Variants in BTNL8 observed in about 807,000 individuals in gnomAD.
The protein encoded by BTNL8 is butyrophilin-like protein 8.
In BTNL8, 22 loss-of-function variants were observed where a neutral mutation model predicts 36.1. The observed-to-expected ratio is 0.61, with a 90% CI of 0.44 to 0.87. The LOEUF (loss-of-function observed/expected upper bound fraction) is 0.87. BTNL8 is among the 40% of genes least tolerant of loss of function. The pLI is 0.00. For synonymous variants in BTNL8, 203 were observed against 235.6 expected, an observed-to-expected ratio of 0.86 and a Z score of 1.27; for missense variants, 526 against 616.9, an observed-to-expected ratio of 0.85 and a Z score of 1.56.
At chr5:180,934,669 T>G (rs1164460992) in intron 3 of BTNL8, among the ~76,000 whole-genome samples, 1 of 152,184 alleles carries the variant, frequency 6.6e-6, no homozygotes, top group East Asian at 1.9e-4. Context: ...TAGGCACCTG[T>G]GTCTGGACGA....
At chr5:180,947,685 T>G in intron 4 of BTNL8, 60 bp downstream of exon 4, 1 of 1,614,134 alleles carries the variant, frequency 6.2e-7, no homozygotes, top group South Asian at 1.1e-5. Context: ...AGGGACAGGA[T>G]CAGAGATGCT....
chr5:180,949,834 C>T lies in BTNL8; in HGVS notation c.863-70C>T, dbSNP rs1382486290. ...CAGAGCCAGTCTGCAGTGGGAGGGTCGACCTCTTGCTCCAGCCCAGATTTC... is the reference window on the plus strand; with the variant it reads ...CAGAGCCAGTCTGCAGTGGGAGGGTTGACCTCTTGCTCCAGCCCAGATTTC... On this transcript the variant is annotated intron_variant, in intron 7 of 7. Coordinates refer to ENST00000340184, the MANE Select transcript of BTNL8 (RefSeq NM_001040462.3). 54 of 1,400,134 alleles carry T rather than the reference C, an allele frequency of 3.9e-5. 11 individuals are homozygous for T. Among genetic ancestry groups the T allele is most frequent in the Non-Finnish European group, 5.1e-5 (52 of 1,020,846 alleles). 86.7% of individuals were successfully genotyped at this position (1,400,134 alleles called of 1,614,324 possible). A position where few individuals can be genotyped will look rare whatever the true frequency, so the allele number is the denominator to read the frequency against.
At chr5:180,920,883 A>G (rs752823117) in intron 3 of BTNL8, among the ~76,000 whole-genome samples, 1 of 152,060 alleles carries the variant, frequency 6.6e-6, no homozygotes, top group Non-Finnish European at 1.5e-5. Context: ...AATCAAAAGT[A>G]TAAGGAGAGA....
Position 180,911,585 on chromosome 5 carries a change from G to A in BTNL8, c.644G>A (p.Arg215Gln), listed in dbSNP as rs374252379. The change falls in exon 3 of 8, where the codon CGA becomes CAA. Residue 215 changes from arginine (R) to glutamine (Q), a missense_variant. Physicochemically the swap from Arg to Gln is conservative, Grantham distance 43 (BLOSUM62 1). Coordinates refer to ENST00000340184, the MANE Select transcript of BTNL8 (RefSeq NM_001040462.3). Reference sequence around the variant, plus strand: ...TCCATGCGGCATGCTCATCTGAGCCGAGAGGTGGAATCCAGGGTACAGATA... The same window carrying A: ...TCCATGCGGCATGCTCATCTGAGCCAAGAGGTGGAATCCAGGGTACAGATA... ...SCSMRHAHLS[R>Q]EVESRVQIGD... is the part of the protein sequence containing the mutation. The A allele has an allele frequency of 2.5e-5, 41 of 1,613,764 alleles. No homozygotes were observed. The African/African-American group carries it at 4.3e-4, about 17-fold the overall frequency.
intron 3 of BTNL8, among the ~76,000 whole-genome samples, chr5:180,920,145 G>T (rs1757798551): frequency 6.6e-6 from 1 of 152,054 alleles, no homozygotes; most frequent in Non-Finnish European, 1.5e-5. Context: ...TGGTGCAAAA[G>T]TAATTGTGGT....
chr5:180,945,850 G>A (rs1051483110), intron 3 of BTNL8: 14 of 473,252 alleles, frequency 3.0e-5, no homozygotes, highest in Non-Finnish European at 6.0e-5. Flanking sequence ...GCCTCAATAT[G>A]TGCTGGCAGT....
At chr5:180,941,912 C>CTTTTTTTTTTTTTTTTTT (rs1554145496) in intron 3 of BTNL8, among the ~76,000 whole-genome samples, 280 of 144,564 alleles carry the variant, frequency 1.9e-3, no homozygotes, top group South Asian at 2.4e-3. Context: ...TTTTACTACT[C>CTTTTTTTTTTTTTTTTTT]TTATTCAACA....
chr5:180,929,727 A>G lies in BTNL8; in HGVS notation c.674-17785A>G, dbSNP rs893577278. Among the ~76,000 whole-genome samples the G allele has an allele frequency of 4.6e-5, 7 of 152,210 alleles. No homozygotes were observed. The South Asian group carries it at 6.2e-4, about 13-fold the overall frequency. ...TAGAAAATCTAGAAGAAATGGATAA[A>G]TTCCTGGACACATACACCCTCCCAA... On this transcript the variant is annotated intron_variant, in intron 3 of 7. Transcript: ENST00000340184.
At position 180,908,599 on chromosome 5, in the gene BTNL8, G is replaced by T; in HGVS notation, c.63G>T (p.Val21=). 6.2e-7 allele frequency: 1 copy of T among 1,613,940 alleles called. No homozygotes were observed. The highest frequency in any genetic ancestry group is 8.5e-7 in the Non-Finnish European group (1 of 1,179,822). ...LLKLGSGQWQ[V]FGPDKPVQAL... ...GTCTTCCCACAGGGCAGTGGCAGGT[G>T]TTTGGGCCAGACAAGCCTGTCCAGG... The change falls in exon 2 of 8, where the codon GTG becomes GTT. Residue 21 remains valine, a synonymous_variant. Transcript: ENST00000340184.
At chr5:180,945,593 G>T (rs142540887) in intron 3 of BTNL8, among the ~76,000 whole-genome samples, 23 of 152,184 alleles carry the variant, frequency 1.5e-4, no homozygotes, top group Non-Finnish European at 2.9e-4. Context: ...AAATATATAA[G>T]AAATTCAAAC....
At chr5:180,927,775 A>G (rs1758171084) in intron 3 of BTNL8, among the ~76,000 whole-genome samples, 1 of 152,198 alleles carries the variant, frequency 6.6e-6, no homozygotes, top group South Asian at 2.1e-4. Context: ...TGAAGACAAG[A>G]TTAGAGAAAA....
intron 1 of BTNL8, among the ~76,000 whole-genome samples, chr5:180,905,781 T>C (rs1269274715): frequency 1.9e-4 from 29 of 150,210 alleles, no homozygotes; most frequent in Non-Finnish European, 3.4e-4. Context: ...CATTTCGTTA[T>C]GTACCCAGTA....
intron 3 of BTNL8, among the ~76,000 whole-genome samples, chr5:180,915,321 A>G (rs1243722174): frequency 6.6e-6 from 1 of 152,260 alleles, no homozygotes; most frequent in Non-Finnish European, 1.5e-5. Context: ...GCAGATGTGC[A>G]TACAAACTTC....
chr5:180,944,797 C>T lies in BTNL8; in HGVS notation c.674-2715C>T, dbSNP rs140059254. Among the ~76,000 whole-genome samples the T allele has an allele frequency of 2.4e-3, 366 of 152,086 alleles. 2 individuals carry two copies. The highest frequency in any genetic ancestry group is 8.5e-3 in the African/African-American group (352 of 41,488). On this transcript the variant is annotated intron_variant, in intron 3 of 7. Coordinates refer to ENST00000340184, the MANE Select transcript of BTNL8 (RefSeq NM_001040462.3). Reference sequence around the variant, plus strand: ...AATATGAACAATTATTACATCAATACAAAGTAAAATAAAACTTAAAAAACT... The same window carrying T: ...AATATGAACAATTATTACATCAATATAAAGTAAAATAAAACTTAAAAAACT...
chr5:180,908,286 G>A lies in BTNL8; in HGVS notation c.50-300G>A, dbSNP rs527616062. Among the ~76,000 whole-genome samples the A allele has an allele frequency of 1.2e-3, 180 of 149,796 alleles. 1 individual carries two copies. Among genetic ancestry groups the A allele is most frequent in the Admixed American group, 3.5e-3 (52 of 15,028 alleles). The stretch of plus-strand genomic sequence containing the variant: ...GTGACCCGATTTTCCAGGTGCGTCC[G>A]TCACCCCTTTCTTTGACTCGGAAAG... On this transcript the variant is annotated intron_variant, in intron 1 of 7. Coordinates refer to ENST00000340184, the MANE Select transcript of BTNL8 (RefSeq NM_001040462.3).
intron 3 of BTNL8, 52 bp downstream of exon 3, chr5:180,911,666 CAGAG>C (rs1399415297): frequency 4.6e-6 from 7 of 1,522,528 alleles, no homozygotes; most frequent in Non-Finnish European, 6.3e-6. Flanking sequence ...TTCGGTAACT[CAGAG>C]GGAGGACAGG....
At chr5:180,949,793 C>T (rs1759459628) in intron 7 of BTNL8, 111 bp from the exon 8 acceptor site, 1 of 1,313,306 alleles carries the variant, frequency 7.6e-7, no homozygotes, top group African/African-American at 1.4e-5. Context: ...AGGTCCGGGG[C>T]CTCACCTATG....
In BTNL8 at chr5:180,947,496, TG is replaced by T. The variant is rs778744847; in HGVS notation, c.674-13del. On this transcript the variant is annotated splice_polypyrimidine_tract_variant and intron_variant, in intron 3 of 7. Transcript: ENST00000340184. ...TGTTCACCAATAACTAAAATGTCTGTGGGATTGTTTTTCAGATACCTTTTTC... is the reference window on the plus strand; with the variant it reads ...TGTTCACCAATAACTAAAATGTCTGTGGATTGTTTTTCAGATACCTTTTTC... The T allele has an allele frequency of 6.2e-7, 1 of 1,611,206 alleles. No individual in the cohort carries two copies. The highest frequency in any genetic ancestry group is 1.3e-5 in the African/African-American group (1 of 74,916).
chr5:180,927,321 GA>G (rs1397682320), intron 3 of BTNL8, among the ~76,000 whole-genome samples: 1 of 152,166 alleles, frequency 6.6e-6, no homozygotes, highest in African/African-American at 2.4e-5. Flanking sequence ...AACCCCATTC[GA>G]AGGTCACCAA....
Sources: allele counts gnomAD v4.1 joint callset (sites outside exome capture counted in the v4.1 genomes callset), GRCh38; gene constraint gnomAD v4.1.1; transcripts MANE v1.5; gene names NCBI Gene and HGNC (gene_info 2026-07-23, HGNC 2026-07-21).